RANBP2: variants seen among roughly 807,000 people sequenced by gnomAD.
RANBP2 encodes RAN binding protein 2, also known as E3 SUMO-protein ligase RanBP2.
A neutral mutation model predicts 303.6 loss-of-function variants in RANBP2; 57 were observed. That is an observed-to-expected ratio of 0.19 (90% CI 0.15 to 0.23). The LOEUF is 0.23. RANBP2 is among the 10% of genes least tolerant of loss of function. The pLI is 1.00. For synonymous variants in RANBP2, 1,167 were observed against 1,301.5 expected, an observed-to-expected ratio of 0.90 and a Z score of 2.23; for missense variants, 3,138 against 3,780.8, an observed-to-expected ratio of 0.83 and a Z score of 4.46.
the RANBP2 span, among the ~76,000 whole-genome samples, chr2:109,123,163 A>G: frequency 2.6e-5 from 4 of 152,134 alleles, no homozygotes; most frequent in Non-Finnish European, 5.9e-5. Context: ...CTCAGAGTGC[A>G]GGTATCAGCC....
chr2:109,673,732 T>A, the RANBP2 span, among the ~76,000 whole-genome samples: 1 of 146,314 alleles, frequency 6.8e-6, no homozygotes, highest in South Asian at 2.2e-4. Context: ...GGCAAGGTGG[T>A]GGTTGGAAGA....
the RANBP2 span, among the ~76,000 whole-genome samples, chr2:109,525,320 A>G: frequency 4.6e-5 from 7 of 151,846 alleles, no homozygotes; most frequent in Admixed American, 4.6e-4. Context: ...ACGCCCAGCT[A>G]ATTTTTTTTG....
chr2:108,752,873 A>T, intron 12 of RANBP2, 125 bp from the exon 13 acceptor site: 1 of 1,578,874 alleles, frequency 6.3e-7, no homozygotes, highest in South Asian at 1.1e-5. Context: ...AGTTGAACAA[A>T]TGACTATTGA....
the RANBP2 span, among the ~76,000 whole-genome samples, chr2:109,766,986 A>G: frequency 1.4e-5 from 2 of 142,708 alleles, no homozygotes; most frequent in African/African-American, 2.6e-5. Context: ...TTCTGAATTC[A>G]GCTGGCCCCA....
At chr2:108,992,559 T>C in the RANBP2 span, among the ~76,000 whole-genome samples, 56 of 152,204 alleles carry the variant, frequency 3.7e-4, no homozygotes, top group African/African-American at 1.3e-3. Flanking sequence ...GACATATAAT[T>C]GGTTTCACCT....
At chr2:109,144,227 G>GGTGA in the RANBP2 span, among the ~76,000 whole-genome samples, 3 of 152,174 alleles carry the variant, frequency 2.0e-5, no homozygotes, top group Non-Finnish European at 4.4e-5. Flanking sequence ...AACCACGTGA[G>GGTGA]GTGATAGATA....
At chr2:109,585,714 C>G in the RANBP2 span, 1 of 1,580,454 alleles carries the variant, frequency 6.3e-7, no homozygotes, top group Non-Finnish European at 8.7e-7. Flanking sequence ...GAGTAGGTGG[C>G]ACGTACCCAC....
chr2:108,727,160 G>C (rs1209662137), intron 1 of RANBP2, among the ~76,000 whole-genome samples: 1 of 152,150 alleles, frequency 6.6e-6, no homozygotes, highest in Non-Finnish European at 1.5e-5. Context: ...ACACCTCCCA[G>C]ACGGGGTGGT....
chr2:108,738,599 G>A (rs998716067), intron 6 of RANBP2, among the ~76,000 whole-genome samples: 3 of 151,178 alleles, frequency 2.0e-5, no homozygotes, highest in African/African-American at 7.3e-5. Flanking sequence ...AAAAATGTAA[G>A]AAGCTCTATT....
At chr2:108,897,051 G>A in the RANBP2 span, 2 of 1,614,188 alleles carry the variant, frequency 1.2e-6, no homozygotes, top group Non-Finnish European at 8.5e-7. Context: ...CTGCCGTGCT[G>A]ATGCGGTCAA....
At chr2:109,436,488 G>A in the RANBP2 span, among the ~76,000 whole-genome samples, 4 of 152,230 alleles carry the variant, frequency 2.6e-5, no homozygotes, top group South Asian at 2.1e-4. Flanking sequence ...GAGGGGGCCC[G>A]CGTCCTTGCC....
intron 1 of RANBP2, among the ~76,000 whole-genome samples, chr2:108,721,693 C>T (rs1339802843): frequency 3.9e-5 from 6 of 152,064 alleles, no homozygotes; most frequent in South Asian, 2.1e-4. Context: ...GTGATTTCCC[C>T]GCCTCCACTT....
chr2:109,145,092 G>A, the RANBP2 span, among the ~76,000 whole-genome samples: 1 of 152,196 alleles, frequency 6.6e-6, no homozygotes, highest in Non-Finnish European at 1.5e-5. Context: ...GGGGCCTGGA[G>A]TCATCTCTGA....
chr2:108,741,587 G>T lies in RANBP2; in HGVS notation c.975+906G>T, dbSNP rs1295070004. On this transcript the variant is annotated intron_variant, in intron 7 of 28. Transcript: ENST00000283195. ...GTGGCACGATCTCGGCTCCCTGCAA[G>T]CTCCACCTCCCGAGTTCACGCCATT... 2.6e-5 allele frequency among the ~76,000 whole-genome samples: 3 copies of T among 117,600 alleles called. No individual in the cohort carries two copies. In the East Asian group the frequency reaches 9.3e-4, roughly 36 times the overall value. 77.2% of individuals were successfully genotyped at this position (117,600 alleles called of 152,430 possible).
the RANBP2 span, among the ~76,000 whole-genome samples, chr2:109,493,641 C>G: frequency 6.6e-6 from 1 of 151,570 alleles, no homozygotes; most frequent in Admixed American, 6.6e-5. Flanking sequence ...ATGCTGCAAA[C>G]ACACACCATA....
At chr2:109,424,624 A>T in the RANBP2 span, among the ~76,000 whole-genome samples, 1 of 152,238 alleles carries the variant, frequency 6.6e-6, no homozygotes, top group East Asian at 1.9e-4. Context: ...TTATATCTTT[A>T]TGGTGATGTG....
At chr2:108,760,031 G>T (rs1676614410) in intron 18 of RANBP2, among the ~76,000 whole-genome samples, 1 of 152,052 alleles carries the variant, frequency 6.6e-6, no homozygotes, top group Admixed American at 6.6e-5. Context: ...TTGTGGCACT[G>T]AAAGGGCGAG....
the RANBP2 span, among the ~76,000 whole-genome samples, chr2:109,493,429 G>T: frequency 2.7e-5 from 4 of 146,926 alleles, no homozygotes; most frequent in Admixed American, 6.8e-5. Context: ...TGCAAACACA[G>T]ACTACACACA....
the RANBP2 span, among the ~76,000 whole-genome samples, chr2:109,712,935 C>T: frequency 4.6e-5 from 7 of 152,128 alleles, no homozygotes; most frequent in African/African-American, 1.7e-4. Context: ...GTGGGCTCTG[C>T]TTCGCTCCCC....
Sources: gnomAD v4.1 joint callset for allele counts (sites outside exome capture counted in the v4.1 genomes callset) on GRCh38, gnomAD v4.1.1 for gene constraint, MANE v1.5 for transcripts, NCBI Gene and HGNC (gene_info 2026-07-23, HGNC 2026-07-21) for gene names.